Variants in TDG observed in about 807,000 individuals in gnomAD.
The protein encoded by TDG is G/T mismatch-specific thymine DNA glycosylase.
A neutral mutation model predicts 46.1 loss-of-function variants in TDG; 23 were observed. The observed-to-expected ratio is 0.50, with a 90% CI of 0.36 to 0.71. The LOEUF is 0.71. Among genes scored for constraint, TDG ranks in the 30% least tolerant of loss-of-function variants. The probability of loss-of-function intolerance (pLI) is 0.00; values close to 1 mark genes in which losing one functional copy is unlikely to be tolerated. For missense variants in TDG, 304 were observed against 486.7 expected, an observed-to-expected ratio of 0.62 and a Z score of 3.53; for synonymous variants, 115 against 161.3, an observed-to-expected ratio of 0.71 and a Z score of 2.18.
At chr12:103,974,974 CAAAAAAAA>C (rs34864393) in intron 1 of TDG, among the ~76,000 whole-genome samples, 9 of 77,232 alleles carry the variant, frequency 1.2e-4, no homozygotes, top group Admixed American at 5.0e-4. Flanking sequence ...GACTCCGTCT[CAAAAAAAA>C]AAAAAAAAAA....
intron 4 of TDG, among the ~76,000 whole-genome samples, chr12:103,982,137 G>T (rs564673013): frequency 3.3e-5 from 5 of 152,346 alleles, no homozygotes; most frequent in Admixed American, 1.3e-4. Flanking sequence ...AGTGTATGCA[G>T]TATACGCTCA....
intron 1 of TDG, among the ~76,000 whole-genome samples, chr12:103,967,102 C>T (rs1387524515): frequency 6.6e-6 from 1 of 152,184 alleles, no homozygotes; most frequent in Non-Finnish European, 1.5e-5. Context: ...GAGAATTCAC[C>T]AGAATTTGTG....
chr12:103,974,481 A>G (rs562164333), intron 1 of TDG, among the ~76,000 whole-genome samples: 5 of 152,094 alleles, frequency 3.3e-5, no homozygotes, highest in South Asian at 2.1e-4. Flanking sequence ...CGATCTTGCT[A>G]TATTGCCCCG....
At chr12:103,971,054 A>G (rs537069873) in intron 1 of TDG, among the ~76,000 whole-genome samples, 3 of 152,344 alleles carry the variant, frequency 2.0e-5, no homozygotes, top group South Asian at 4.1e-4. Context: ...AAGATTATCT[A>G]AAGTATATGG....
chr12:103,980,241 G>C, intron 3 of TDG, 169 bp downstream of exon 3: 1 of 870,744 alleles, frequency 1.1e-6, no homozygotes, highest in Non-Finnish European at 1.7e-6. Flanking sequence ...GTGTTTAAGA[G>C]GGTGGGCTCC....
intron 8 of TDG, among the ~76,000 whole-genome samples, chr12:103,985,304 A>G (rs1244730365): frequency 6.6e-6 from 1 of 152,062 alleles, no homozygotes; most frequent in East Asian, 1.9e-4. Context: ...AGTCACTGTT[A>G]AAATCTCCTT....
At chr12:103,969,637 G>A (rs74632036) in intron 1 of TDG, among the ~76,000 whole-genome samples, 2,699 of 152,302 alleles carry the variant, frequency 0.018, 79 homozygotes, top group African/African-American at 0.061. Context: ...TTACAAAGAA[G>A]AGGCACAATC....
At chr12:103,971,819 A>C (rs1871295903) in intron 1 of TDG, among the ~76,000 whole-genome samples, 1 of 152,204 alleles carries the variant, frequency 6.6e-6, no homozygotes, top group South Asian at 2.1e-4. Context: ...TTTTGAGTCT[A>C]GACAGATCTA....
At chr12:103,985,353 T>G (rs4135126) in intron 8 of TDG, among the ~76,000 whole-genome samples, 1 of 152,020 alleles carries the variant, frequency 6.6e-6, no homozygotes, top group East Asian at 1.9e-4. Flanking sequence ...CTTCTGCAGA[T>G]AATTCACCTG....
chr12:103,978,055 T>A (rs1871623243), intron 2 of TDG, among the ~76,000 whole-genome samples: 1 of 147,460 alleles, frequency 6.8e-6, no homozygotes, highest in Non-Finnish European at 1.5e-5. Context: ...TGCGAGACTC[T>A]GTCTCAAAAA....
At chr12:103,974,215 G>A (rs1871405618) in intron 1 of TDG, among the ~76,000 whole-genome samples, 1 of 151,910 alleles carries the variant, frequency 6.6e-6, no homozygotes, top group African/African-American at 2.4e-5. Context: ...ATTTTATTGA[G>A]ATATGATTTA....
chr12:103,974,987 A>C (rs1327158836), intron 1 of TDG, among the ~76,000 whole-genome samples: 1 of 149,134 alleles, frequency 6.7e-6, no homozygotes, highest in Non-Finnish European at 1.5e-5. Context: ...AAAAAAAAAA[A>C]AAAAAAGAAA....
Position 103,982,277 on chromosome 12 carries a change from T to C in TDG, c.479-522T>C, listed in dbSNP as rs116591809. Among the ~76,000 whole-genome samples, 210 of 152,342 alleles carry C rather than the reference T, an allele frequency of 1.4e-3. 1 individual carries two copies. Among genetic ancestry groups the C allele is most frequent in the African/African-American group, 5.0e-3 (207 of 41,578 alleles). ...TCCTTTTTAAGGGAAGTTTGGACTT[T>C]TGACTTTCTTCACTGTCAAGGTGTT... On this transcript the variant is annotated intron_variant, in intron 4 of 9. Transcript: ENST00000392872.
At position 103,984,704 on chromosome 12, in the gene TDG, A is replaced by G. The variant is rs181024127; in HGVS notation, c.793-45A>G. The G allele has an allele frequency of 3.7e-4, 516 of 1,380,026 alleles. No individual in the cohort carries two copies. In the African/African-American group the frequency reaches 6.9e-3, roughly 18 times the overall value. The allele number at this position is 1,380,026 out of a possible 1,614,324, so 85.5% of individuals were successfully genotyped here. ...ATTCTAATCTCAATGAGTGAATTCA[A>G]TAGAATTATAAGATTTCTGAAATTA... On this transcript the variant is annotated intron_variant, in intron 7 of 9. Coordinates refer to ENST00000392872, the MANE Select transcript of TDG (RefSeq NM_003211.6).
chr12:103,965,873 G>A lies in TDG; in HGVS notation c.-165G>A, dbSNP rs1488052819. The A allele has an allele frequency of 1.8e-6, 2 of 1,138,382 alleles. No homozygotes were observed. The highest frequency in any genetic ancestry group is 2.8e-5 in the Admixed American group (1 of 35,338). 70.5% of individuals were successfully genotyped at this position (1,138,382 alleles called of 1,614,324 possible). On this transcript the variant is annotated 5_prime_UTR_variant, in exon 1 of 10. Coordinates refer to ENST00000392872, the MANE Select transcript of TDG (RefSeq NM_003211.6). ...GAAAGGGGGTCCGTGGGGGACGGTAGAAGCCTGGAGGAGGAGCTTGAGTCC... is the reference window on the plus strand; with the variant it reads ...GAAAGGGGGTCCGTGGGGGACGGTAAAAGCCTGGAGGAGGAGCTTGAGTCC...
At chr12:103,984,438 T>C (rs906965453) in intron 7 of TDG, among the ~76,000 whole-genome samples, 15 of 151,950 alleles carry the variant, frequency 9.9e-5, no homozygotes, top group Admixed American at 2.6e-4. Context: ...CACTAAAAAA[T>C]ACAAAAATTA....
rs1382036189 is a variant in TDG, at chr12:103,980,186, TTGG to T, written c.408+119_408+121del. The T allele has an allele frequency of 2.7e-6, 4 of 1,461,868 alleles. No homozygotes were observed. In the East Asian group the frequency reaches 9.2e-5, roughly 34 times the overall value. The allele number at this position is 1,461,868 out of a possible 1,614,324, so 90.6% of individuals were successfully genotyped here. Reference sequence around the variant, plus strand: ...AAAAGGACCATTTCTAAGAATCCTTTTGGTGGTAAATGGTGTCAGCTTCATGAG... The same window carrying T: ...AAAAGGACCATTTCTAAGAATCCTTTTGGTAAATGGTGTCAGCTTCATGAG... On this transcript the variant is annotated intron_variant, in intron 3 of 9. Coordinates refer to ENST00000392872, the MANE Select transcript of TDG (RefSeq NM_003211.6).
intron 1 of TDG, among the ~76,000 whole-genome samples, chr12:103,972,689 T>G (rs1407301319): frequency 1.3e-5 from 2 of 152,240 alleles, no homozygotes; most frequent in African/African-American, 4.8e-5. Flanking sequence ...TTAGAAAGAT[T>G]AAGGGATATT....
intron 1 of TDG, among the ~76,000 whole-genome samples, chr12:103,974,663 T>G (rs1485078434): frequency 6.6e-6 from 1 of 152,084 alleles, no homozygotes; most frequent in Non-Finnish European, 1.5e-5. Context: ...ATTAGTATAG[T>G]ATCTTGCAGT....
Sources: allele counts gnomAD v4.1 joint callset (sites outside exome capture counted in the v4.1 genomes callset), GRCh38; gene constraint gnomAD v4.1.1; transcripts MANE v1.5; gene names NCBI Gene and HGNC (gene_info 2026-07-23, HGNC 2026-07-21).